Variants in PAPPA observed in about 807,000 individuals in gnomAD.
PAPPA encodes pappalysin 1, also known as pappalysin-1.
PAPPA carries 60 observed loss-of-function variants against 164.0 expected under a neutral mutation model. The ratio of observed to expected loss-of-function variants is 0.37; its 90% CI spans 0.30 to 0.45. PAPPA has a LOEUF of 0.45. PAPPA is among the 20% of genes least tolerant of loss of function. The pLI is 1.00. For synonymous variants in PAPPA, 875 were observed against 814.1 expected, an observed-to-expected ratio of 1.07 and a Z score of -1.27; for missense variants, 1,782 against 2,087.3, an observed-to-expected ratio of 0.85 and a Z score of 2.85.
chr9:116,369,243 C>T (rs1846541333), intron 19 of PAPPA, among the ~76,000 whole-genome samples: 1 of 152,042 alleles, frequency 6.6e-6, no homozygotes, highest in African/African-American at 2.4e-5. Context: ...CTCCACCATT[C>T]CTGAACCAGA....
In PAPPA at chr9:116,398,501, C is replaced by T; in HGVS notation, c.*1885C>T. 2.7e-6 allele frequency: 3 copies of T among 1,114,822 alleles called. No individual in the cohort carries two copies. The highest frequency in any genetic ancestry group is 1.6e-5 in the South Asian group (1 of 64,084). The allele number at this position is 1,114,822 out of a possible 1,614,324, so 69.1% of individuals were successfully genotyped here. A position where few individuals can be genotyped will look rare whatever the true frequency, so the allele number is the denominator to read the frequency against. On this transcript the variant is annotated 3_prime_UTR_variant, in exon 22 of 22. Transcript: ENST00000328252. ...ACTTAAAAAAAAAAAAAAAAAGAGA[C>T]CAAAAATAACTTTAGGAACCACCAT...
At chr9:116,312,055 T>C (rs995967403) in intron 10 of PAPPA, among the ~76,000 whole-genome samples, 8 of 152,196 alleles carry the variant, frequency 5.3e-5, no homozygotes, top group Non-Finnish European at 1.2e-4. Context: ...TGGTTCTCCA[T>C]GTAGACTAGA....
intron 8 of PAPPA, among the ~76,000 whole-genome samples, chr9:116,268,695 C>CTTAT (rs1554745956): frequency 1.3e-5 from 2 of 151,302 alleles, no homozygotes; most frequent in Non-Finnish European, 3.0e-5. Context: ...AAATAGTATA[C>CTTAT]TTAATACAGT....
chr9:116,219,900 C>T (rs568666029), intron 4 of PAPPA, 37 bp from the exon 5 acceptor site: 29 of 1,550,180 alleles, frequency 1.9e-5, no homozygotes, highest in African/African-American at 1.2e-4. Context: ...GCCTGCCTTG[C>T]GGCTTGGTGC....
chr9:116,220,949 GTT>G (rs35056605), intron 5 of PAPPA, among the ~76,000 whole-genome samples: 1 of 143,074 alleles, frequency 7.0e-6, no homozygotes, highest in Non-Finnish European at 1.5e-5. Context: ...TGCACCAAAT[GTT>G]TTTTTTTTTT....
Position 116,284,545 on chromosome 9 carries a change from C to CTTTT in PAPPA, c.2953+13149_2953+13152dup, listed in dbSNP as rs61248033. Among the ~76,000 whole-genome samples the CTTTT allele has an allele frequency of 1.7e-3, 146 of 88,264 alleles. 5 individuals carry two copies. The highest frequency in any genetic ancestry group is 4.7e-3 in the African/African-American group (104 of 21,978). The allele number at this position is 88,264 out of a possible 152,430, so 57.9% of individuals were successfully genotyped here. ...CAAAATCTCTATCTTTAGTCTGGGC[C>CTTTT]TTTTTTTTTTTTTTTTTTTTTTTGA... On this transcript the variant is annotated intron_variant, in intron 9 of 21. Coordinates refer to ENST00000328252, the MANE Select transcript of PAPPA (RefSeq NM_002581.5).
At chr9:116,285,943 C>T (rs887683292) in intron 9 of PAPPA, 2 of 152,170 alleles carry the variant, frequency 1.3e-5, no homozygotes, top group East Asian at 1.9e-4. Context: ...GCTGTCATCT[C>T]GGGCAGGTTA....
chr9:116,383,803 ATTTT>A (rs1846765644), intron 21 of PAPPA, among the ~76,000 whole-genome samples: 1 of 152,152 alleles, frequency 6.6e-6, no homozygotes, highest in Non-Finnish European at 1.5e-5. Context: ...TTTGGTTTTG[ATTTT>A]TGATTGATAG....
At chr9:116,371,111 CT>C (rs1846567000) in intron 19 of PAPPA, among the ~76,000 whole-genome samples, 2 of 152,102 alleles carry the variant, frequency 1.3e-5, no homozygotes, top group Admixed American at 1.3e-4. Flanking sequence ...CAAACATACT[CT>C]TTTGTATATT....
chr9:116,338,090 T>A (rs1164011562), intron 13 of PAPPA, among the ~76,000 whole-genome samples: 1 of 152,196 alleles, frequency 6.6e-6, no homozygotes, highest in African/African-American at 2.4e-5. Flanking sequence ...CACACATACA[T>A]GCACATACAT....
At chr9:116,288,277 G>A (rs1163855733) in intron 9 of PAPPA, among the ~76,000 whole-genome samples, 1 of 152,114 alleles carries the variant, frequency 6.6e-6, no homozygotes, top group Non-Finnish European at 1.5e-5. Flanking sequence ...GCTGAGGCAA[G>A]AGAATCGCTT....
intron 16 of PAPPA, 150 bp from the exon 17 acceptor site, chr9:116,353,472 C>T (rs1846310684): frequency 1.5e-6 from 1 of 657,574 alleles, no homozygotes. Flanking sequence ...ATCCTTAATT[C>T]CTGCACGGGT....
Position 116,209,948 on chromosome 9 carries a change from A to G in PAPPA, c.1625-1691A>G, listed in dbSNP as rs933457909. Reference sequence around the variant, plus strand: ...CTCCAGGCTGCCCTCTCCCCATCCCAAGAGATGCTGCTCATGAGTAATTCC... The same window carrying G: ...CTCCAGGCTGCCCTCTCCCCATCCCGAGAGATGCTGCTCATGAGTAATTCC... On this transcript the variant is annotated intron_variant, in intron 3 of 21. Transcript: ENST00000328252. Among the ~76,000 whole-genome samples the G allele has an allele frequency of 6.4e-4, 97 of 152,246 alleles. 1 individual carries two copies. The highest frequency in any genetic ancestry group is 2.3e-3 in the African/African-American group (95 of 41,548).
At chr9:116,247,015 C>T (rs555245833) in intron 7 of PAPPA, among the ~76,000 whole-genome samples, 1 of 151,878 alleles carries the variant, frequency 6.6e-6, no homozygotes, top group Non-Finnish European at 1.5e-5. Context: ...CAGAGTGAGA[C>T]CCTGTCTCCA....
At chr9:116,344,769 G>A (rs1846186171) in intron 14 of PAPPA, 58 bp downstream of exon 14, 3 of 1,482,380 alleles carry the variant, frequency 2.0e-6, no homozygotes, top group Non-Finnish European at 1.9e-6. Flanking sequence ...CTTACTGGGT[G>A]TTAACCATGT....
intron 1 of PAPPA, among the ~76,000 whole-genome samples, chr9:116,156,512 G>C (rs1363677636): frequency 6.6e-6 from 1 of 151,702 alleles, no homozygotes; most frequent in Admixed American, 6.6e-5. Context: ...GGGGGCGTTA[G>C]GTTATTATTG....
chr9:116,331,212 A>G (rs371199490), intron 10 of PAPPA, 32 bp from the exon 11 acceptor site: 515 of 1,340,158 alleles, frequency 3.8e-4, no homozygotes, highest in Non-Finnish European at 5.1e-4. Context: ...CACTCTCTAA[A>G]ACATGATTAT....
intron 7 of PAPPA, among the ~76,000 whole-genome samples, chr9:116,245,037 T>C (rs1047600688): frequency 6.6e-6 from 1 of 152,138 alleles, no homozygotes; most frequent in African/African-American, 2.4e-5. Flanking sequence ...GAGGCTATTA[T>C]CTTAAGTAAA....
chr9:116,256,805 G>A (rs1305612351), intron 7 of PAPPA, among the ~76,000 whole-genome samples: 1 of 151,920 alleles, frequency 6.6e-6, no homozygotes, highest in East Asian at 1.9e-4. Context: ...CTAAAATATA[G>A]TAATAATCTA....
Sources: allele counts gnomAD v4.1 joint callset (sites outside exome capture counted in the v4.1 genomes callset), GRCh38; gene constraint gnomAD v4.1.1; transcripts MANE v1.5; gene names NCBI Gene and HGNC (gene_info 2026-07-23, HGNC 2026-07-21).